The following CSGALNACT1 variants were observed in gnomAD, a reference collection of about 807,000 sequenced individuals.
The protein encoded by CSGALNACT1 is beta4GalNAcT-1.
CSGALNACT1 carries 52 observed loss-of-function variants against 51.0 expected under a neutral mutation model. The observed-to-expected ratio is 1.02, with a 90% confidence interval of 0.82 to 1.29. The LOEUF (loss-of-function observed/expected upper bound fraction) is 1.29, where lower values mean the gene tolerates loss of function less well. Ranked by LOEUF, CSGALNACT1 falls within the 50% of genes most tolerant of loss-of-function variation. The pLI is 0.00. For synonymous variants in CSGALNACT1, 341 were observed against 254.4 expected (o/e 1.34, Z -3.24); for missense variants, 935 against 679.2 (o/e 1.38, Z -4.19).
intron 5 of CSGALNACT1, among the ~76,000 whole-genome samples, chr8:19,441,531 A>C (rs1037561433): frequency 1.2e-4 from 19 of 152,220 alleles, no homozygotes; most frequent in African/African-American, 4.3e-4. Context: ...GAAAGCTGAA[A>C]CTGGATCCCT....
Position 19,553,639 on chromosome 8 carries a change from A to AC in CSGALNACT1, c.-297+37520_-297+37521insG, listed in dbSNP as rs869251447. Reference sequence around the variant, plus strand: ...TAAATACATATATATATATATATATAAAAAAATATGTCAGCCTTTCTATTA... The same window carrying AC: ...TAAATACATATATATATATATATATACAAAAAATATGTCAGCCTTTCTATTA... On this transcript the variant is annotated intron_variant, in intron 3 of 9. Transcript: ENST00000454498. 1.6e-3 allele frequency among the ~76,000 whole-genome samples: 199 copies of AC among 126,608 alleles called. 17 individuals carry two copies. Among genetic ancestry groups the AC allele is most frequent in the African/African-American group, 5.9e-3 (186 of 31,694 alleles). 83.1% of individuals were successfully genotyped at this position (126,608 alleles called of 152,430 possible).
intron 3 of CSGALNACT1, among the ~76,000 whole-genome samples, chr8:19,519,160 G>A (rs2154027701): frequency 6.6e-6 from 1 of 152,274 alleles, no homozygotes; most frequent in Non-Finnish European, 1.5e-5. Flanking sequence ...TGAGTCTAAG[G>A]TAGTGACCTA....
rs376252532 is a variant in CSGALNACT1 at position 19,520,910 on chromosome 8, G to A, written c.-296-14780C>T. The stretch of plus-strand genomic sequence containing the variant: ...CGGGGTCTCTAGTCCGGTGTTGTCT[G>A]TGCTCTTAAGCACCATGCCACATGG... On this transcript the variant is annotated intron_variant, in intron 3 of 9. Transcript: ENST00000454498. Among the ~76,000 whole-genome samples, 5 of 152,336 alleles carry A rather than the reference G, an allele frequency of 3.3e-5. No homozygotes were observed. In the East Asian group the frequency reaches 7.7e-4, roughly 24 times the overall value.
intron 4 of CSGALNACT1, among the ~76,000 whole-genome samples, chr8:19,491,128 C>T (rs375088762): frequency 1.3e-5 from 2 of 151,544 alleles, no homozygotes; most frequent in Non-Finnish European, 2.9e-5. Context: ...TTTTCATCCC[C>T]TCGATCTTTT....
At chr8:19,528,053 G>A (rs938041983) in intron 3 of CSGALNACT1, among the ~76,000 whole-genome samples, 1 of 152,128 alleles carries the variant, frequency 6.6e-6, no homozygotes, top group African/African-American at 2.4e-5. Context: ...AAAGCAGCTG[G>A]AGAAGGAACT....
At chr8:19,736,479 T>C (rs1421552106) in intron 1 of CSGALNACT1, among the ~76,000 whole-genome samples, 1 of 151,122 alleles carries the variant, frequency 6.6e-6, no homozygotes, top group Non-Finnish European at 1.5e-5. Flanking sequence ...TTTTATCTCA[T>C]GTGCTTGGGA....
chr8:19,532,238 G>T (rs1033403269), intron 3 of CSGALNACT1, among the ~76,000 whole-genome samples: 7 of 150,918 alleles, frequency 4.6e-5, no homozygotes, highest in African/African-American at 1.7e-4. Context: ...ATCTCATTTT[G>T]ATCCTGGAAG....
intron 5 of CSGALNACT1, chr8:19,457,830 C>A (rs2064441738): frequency 7.4e-7 from 1 of 1,349,916 alleles, no homozygotes; most frequent in South Asian, 1.1e-5. Flanking sequence ...AAAAATGAAA[C>A]CCAGCTTAGT....
chr8:19,452,697 T>G (rs11779828), intron 5 of CSGALNACT1, among the ~76,000 whole-genome samples: 6,254 of 152,148 alleles, frequency 0.041, 142 homozygotes, highest in Non-Finnish European at 0.055. Flanking sequence ...TGACTCTTTG[T>G]GATGTCCCAG....
chr8:19,709,756 G>A (rs533998035), intron 1 of CSGALNACT1, among the ~76,000 whole-genome samples: 108 of 152,334 alleles, frequency 7.1e-4, no homozygotes, highest in African/African-American at 2.6e-3. Context: ...GTCATTGTCT[G>A]GGTGTGGCAT....
intron 1 of CSGALNACT1, among the ~76,000 whole-genome samples, chr8:19,619,910 G>T (rs1208402845): frequency 6.6e-6 from 1 of 152,168 alleles, no homozygotes; most frequent in Admixed American, 6.5e-5. Flanking sequence ...ATCCCAGCCT[G>T]GTCACTTGAG....
At chr8:19,527,218 T>C (rs2081895029) in intron 3 of CSGALNACT1, among the ~76,000 whole-genome samples, 1 of 152,188 alleles carries the variant, frequency 6.6e-6, no homozygotes, top group African/African-American at 2.4e-5. Flanking sequence ...ATGAGGAATA[T>C]TCAACCTAAC....
chr8:19,657,368 A>G (rs577926767), intron 1 of CSGALNACT1, among the ~76,000 whole-genome samples: 107 of 152,280 alleles, frequency 7.0e-4, no homozygotes, highest in African/African-American at 1.9e-3. Context: ...TGAGAAAAGG[A>G]AAGAATGGAT....
chr8:19,600,370 G>A (rs115276271), intron 2 of CSGALNACT1, among the ~76,000 whole-genome samples: 3,558 of 152,212 alleles, frequency 0.023, 151 homozygotes, highest in African/African-American at 0.081. Context: ...GTGAGCCACC[G>A]CACCCAGCCT....
At chr8:19,669,960 A>C (rs1457590448) in intron 1 of CSGALNACT1, among the ~76,000 whole-genome samples, 1 of 152,014 alleles carries the variant, frequency 6.6e-6, no homozygotes. Context: ...TCTCCCCTCA[A>C]AATGCCTCCT....
At chr8:19,722,072 T>C (rs2063159259) in intron 1 of CSGALNACT1, among the ~76,000 whole-genome samples, 1 of 152,220 alleles carries the variant, frequency 6.6e-6, no homozygotes, top group African/African-American at 2.4e-5. Flanking sequence ...TTCATGTTGG[T>C]TTAAATTCAA....
intron 4 of CSGALNACT1, among the ~76,000 whole-genome samples, chr8:19,460,149 A>G (rs1408897745): frequency 6.6e-6 from 1 of 152,194 alleles, no homozygotes; most frequent in African/African-American, 2.4e-5. Context: ...CCAACAAATC[A>G]GAAAAGCTTT....
intron 1 of CSGALNACT1, among the ~76,000 whole-genome samples, chr8:19,656,840 C>CAG (rs1564362584): frequency 4.0e-5 from 6 of 151,842 alleles, no homozygotes; most frequent in Admixed American, 1.3e-4. Context: ...GGCCAAGGCG[C>CAG]GTGGATCACA....
rs1564384216 is a variant in CSGALNACT1 at position 19,666,879 on chromosome 8, AAGAAAG to A, written c.-544+15588_-544+15593del. Among the ~76,000 whole-genome samples, 20 of 112,432 alleles carry A rather than the reference AAGAAAG, an allele frequency of 1.8e-4. 1 individual carries two copies. In the South Asian group the frequency reaches 3.3e-3, roughly 18 times the overall value. 73.8% of individuals were successfully genotyped at this position (112,432 alleles called of 152,430 possible). A position where few individuals can be genotyped will look rare whatever the true frequency, so the allele number is the denominator to read the frequency against. The stretch of plus-strand genomic sequence containing the variant: ...AAAGAAAGAAAGAAAGAAAGAAAGA[AAGAAAG>A]AGAGAGAGGAAGTGAGGAAGGGAGG... On this transcript the variant is annotated intron_variant, in intron 1 of 9. Transcript: ENST00000332246.
Sources: gnomAD v4.1 joint callset for allele counts (sites outside exome capture counted in the v4.1 genomes callset) on GRCh38, gnomAD v4.1.1 for gene constraint, MANE v1.5 for transcripts, NCBI Gene and HGNC (gene_info 2026-07-23, HGNC 2026-07-21) for gene names.